FMO2: variants seen among roughly 807,000 people sequenced by gnomAD.
The protein encoded by FMO2 is flavin-containing monooxygenase 2.
In FMO2, 33 loss-of-function variants were observed where a neutral mutation model predicts 41.6. That is an observed-to-expected ratio of 0.79 (90% CI 0.60 to 1.06). The LOEUF (loss-of-function observed/expected upper bound fraction) is 1.06, where lower values mean the gene tolerates loss of function less well. FMO2 is among the 50% of genes least tolerant of loss of function. The pLI, the probability that FMO2 is intolerant of heterozygous loss-of-function variation, is 0.00. For missense variants in FMO2, 619 were observed against 632.9 expected (o/e 0.98, Z 0.23); for synonymous variants, 214 against 219.6 (o/e 0.97, Z 0.23).
chr1:171,187,835 A>C (rs1411876809), intron 2 of FMO2, among the ~76,000 whole-genome samples: 1 of 152,068 alleles, frequency 6.6e-6, no homozygotes, highest in African/African-American at 2.4e-5. Flanking sequence ...GGGAGAAGGG[A>C]GAAATTGATT....
chr1:171,204,025 G>T lies in FMO2; in HGVS notation c.788G>T (p.Trp263Leu), dbSNP rs1412855445. ...ATGATAGAACAACAGATGAATCGGT[G>T]GTTCAACCATGAAAATTATGGCCTT... ...KWMIEQQMNR[W>L]FNHENYGLEP... Residue 263 changes from tryptophan to leucine, a missense_variant, in exon 6 of 9, where the codon TGG becomes TTG. Transcript: ENST00000209929. 4 of 1,613,594 alleles carry T rather than the reference G, an allele frequency of 2.5e-6. No individual in the cohort carries two copies.
chr1:171,192,063 G>GA (rs1658106530), intron 2 of FMO2, among the ~76,000 whole-genome samples: 1 of 151,804 alleles, frequency 6.6e-6, no homozygotes, highest in Admixed American at 6.6e-5. Context: ...CTGGTCTTGA[G>GA]AAAAAATAGT....
chr1:171,195,358 T>C (rs914407331), intron 3 of FMO2, among the ~76,000 whole-genome samples: 1 of 152,206 alleles, frequency 6.6e-6, no homozygotes, highest in Non-Finnish European at 1.5e-5. Flanking sequence ...TAGGTTCTAA[T>C]TTAATAGGTA....
At position 171,209,980 on chromosome 1, in the gene FMO2, T is replaced by A. The variant is rs555794497; in HGVS notation, c.*835T>A. On this transcript the variant is annotated 3_prime_UTR_variant, in exon 9 of 9. Coordinates refer to ENST00000209929, the MANE Select transcript of FMO2 (RefSeq NM_001460.5). ...CTTGTGAGGCAGCTGGAATTGGAAC[T>A]CAGATTTGTTGAACTCTAGAACTAA... The A allele has an allele frequency of 3.9e-5, 6 of 152,274 alleles. 1 individual carries two copies. In the South Asian group the frequency reaches 1.2e-3, roughly 32 times the overall value. 9.4% of individuals were successfully genotyped at this position (152,274 alleles called of 1,614,324 possible). A position where few individuals can be genotyped will look rare whatever the true frequency, so the allele number is the denominator to read the frequency against.
In FMO2 at chr1:171,211,032, T is replaced by G. The variant is rs906417846; in HGVS notation, c.*1887T>G. The G allele has an allele frequency of 6.6e-6, 1 of 152,202 alleles. No individual in the cohort carries two copies. The highest frequency in any genetic ancestry group is 1.5e-5 in the Non-Finnish European group (1 of 68,030). The allele number at this position is 152,202 out of a possible 1,614,324, so 9.4% of individuals were successfully genotyped here. A position where few individuals can be genotyped will look rare whatever the true frequency, so the allele number is the denominator to read the frequency against. On this transcript the variant is annotated 3_prime_UTR_variant, in exon 9 of 9. Coordinates refer to ENST00000209929, the MANE Select transcript of FMO2 (RefSeq NM_001460.5). ...CATAAGCAAATTTGTTTTAAAATAA[T>G]TGTAAATGAGGTATATACTTAGTTC...
At chr1:171,191,002 G>T (rs983886891) in intron 2 of FMO2, among the ~76,000 whole-genome samples, 3 of 152,030 alleles carry the variant, frequency 2.0e-5, no homozygotes, top group African/African-American at 7.3e-5. Context: ...AAAATTAGCT[G>T]GGCATGGTGG....
rs778090574 is a variant in FMO2 at position 171,205,625 on chromosome 1, G to C, written c.1174G>C (p.Val392Leu). The change falls in exon 7 of 9, where the codon GTT becomes CTT. Residue 392 changes from valine (V) to leucine (L), a missense_variant. Transcript: ENST00000209929. ...AELQARWVTRVFKGLCSLPSE... is the reference protein window; with the variant it reads ...AELQARWVTRLFKGLCSLPSE... ...ACTTCAAGCTCGTTGGGTGACAAGAGTTTTCAAAGGTAAGTGTGTAGGCAG... is the reference window on the plus strand; with the variant it reads ...ACTTCAAGCTCGTTGGGTGACAAGACTTTTCAAAGGTAAGTGTGTAGGCAG... The C allele has an allele frequency of 6.2e-7, 1 of 1,603,632 alleles. No homozygotes were observed. The highest frequency in any genetic ancestry group is 1.1e-5 in the South Asian group (1 of 89,324).
chr1:171,209,063 AT>A lies in FMO2; in HGVS notation c.1529del (p.Phe510SerfsTer7). The A allele has an allele frequency of 1.8e-6, 2 of 1,125,750 alleles. No homozygotes were observed. Among genetic ancestry groups the A allele is most frequent in the South Asian group, 3.1e-5 (2 of 64,726 alleles). 69.7% of individuals were successfully genotyped at this position (1,125,750 alleles called of 1,614,324 possible). A position where few individuals can be genotyped will look rare whatever the true frequency, so the allele number is the denominator to read the frequency against. On this transcript the variant is annotated frameshift_variant, in exon 9 of 9. Transcript: ENST00000209929. LOFTEE classifies it low-confidence loss of function (END_TRUNC). ...LKTRALKDSSNFSVSFLLKIL... is the reference protein window; with the variant it reads ...LKTRALKDSSXFSVSFLLKIL... ...ACTCGGGCCCTGAAGGATTCATCTA[AT>A]TTCTCAGTTTCTTTTCTGTTGAAAA...
In FMO2 at chr1:171,189,654, C is replaced by CTT. The variant is rs199536748; in HGVS notation, c.133-3678_133-3677dup. 3.7e-3 allele frequency among the ~76,000 whole-genome samples: 454 copies of CTT among 122,710 alleles called. 15 individuals are homozygous for CTT. The highest frequency in any genetic ancestry group is 0.011 in the African/African-American group (342 of 30,128). 80.5% of individuals were successfully genotyped at this position (122,710 alleles called of 152,430 possible). A position where few individuals can be genotyped will look rare whatever the true frequency, so the allele number is the denominator to read the frequency against. On this transcript the variant is annotated intron_variant, in intron 2 of 8. Transcript: ENST00000209929. ...ACAGAAATCTGAGCCCGTCTTTTTT[C>CTT]TTTTCTTTTTTTTTTTTTTTTTGAG...
At chr1:171,194,515 T>C (rs898830715) in intron 3 of FMO2, among the ~76,000 whole-genome samples, 2 of 152,198 alleles carry the variant, frequency 1.3e-5, no homozygotes, top group African/African-American at 4.8e-5. Flanking sequence ...CCCAGCACTT[T>C]GGGAGGCTGA....
At chr1:171,208,179 G>T (rs916979348) in intron 8 of FMO2, among the ~76,000 whole-genome samples, 1 of 152,138 alleles carries the variant, frequency 6.6e-6, no homozygotes, top group Non-Finnish European at 1.5e-5. Flanking sequence ...GCTGTGAAAA[G>T]TTAGAGAATC....
rs982374231 is a variant in FMO2 at position 171,196,629 on chromosome 1, C to T, written c.322-20C>T. On this transcript the variant is annotated intron_variant, in intron 3 of 8. Coordinates refer to ENST00000209929, the MANE Select transcript of FMO2 (RefSeq NM_001460.5). Reference sequence around the variant, plus strand: ...ATCCTGGAGTAATTCTCAATGATGCCTTCTCTGTGTTTCTTCAAGACAACT... The same window carrying T: ...ATCCTGGAGTAATTCTCAATGATGCTTTCTCTGTGTTTCTTCAAGACAACT... The T allele has an allele frequency of 1.2e-6, 2 of 1,609,378 alleles. No individual in the cohort carries two copies. Among genetic ancestry groups the T allele is most frequent in the Non-Finnish European group, 1.7e-6 (2 of 1,178,024 alleles).
rs1183889682 is a variant in FMO2 at position 171,196,729 on chromosome 1, G to A, written c.402G>A (p.Lys134=). 1.9e-6 allele frequency: 3 copies of A among 1,613,556 alleles called. No individual in the cohort carries two copies. In the African/African-American group the frequency reaches 4.0e-5, roughly 22 times the overall value. The change falls in exon 4 of 9, where the codon AAG becomes AAA. Residue 134 remains lysine, a synonymous_variant. Coordinates refer to ENST00000209929, the MANE Select transcript of FMO2 (RefSeq NM_001460.5). The part of the protein sequence containing the change: ...QWKVVTQSNG[K]EQSAVFDAVM... ...AGGTTGTCACTCAGAGCAACGGCAA[G>A]GAGCAGAGTGCTGTCTTTGACGCAG...
chr1:171,209,108 T>C lies in FMO2; in HGVS notation c.1571T>C (p.Val524Ala). The change falls in exon 9 of 9, where the codon GTT (valine) becomes GCT (alanine). Residue 524 changes from valine to alanine, a missense_variant. By Grantham distance (64) the Val-to-Ala change is moderately conservative (BLOSUM62 0). Coordinates refer to ENST00000209929, the MANE Select transcript of FMO2 (RefSeq NM_001460.5). ...TTGAAAATCCTGGGCCTTCTTGCTG[T>C]TGTTGTGGCCTTTTTTTGCCAACTT... ...FLLKILGLLA[V>A]VVAFFCQLQW... 7 of 792,850 alleles carry C rather than the reference T, an allele frequency of 8.8e-6. No homozygotes were observed. The highest frequency in any genetic ancestry group is 1.4e-5 in the Non-Finnish European group (7 of 505,966). 49.1% of individuals were successfully genotyped at this position (792,850 alleles called of 1,614,324 possible). A position where few individuals can be genotyped will look rare whatever the true frequency, so the allele number is the denominator to read the frequency against.
chr1:171,200,594 G>T (rs185856557), intron 5 of FMO2, among the ~76,000 whole-genome samples: 1 of 152,050 alleles, frequency 6.6e-6, no homozygotes, highest in Non-Finnish European at 1.5e-5. Flanking sequence ...CATGACACCC[G>T]CCCAGCAGGT....
At chr1:171,198,647 T>G (rs1027419733) in intron 4 of FMO2, among the ~76,000 whole-genome samples, 1 of 152,152 alleles carries the variant, frequency 6.6e-6, no homozygotes. Flanking sequence ...CTGACCTCAG[T>G]TGATCCGCCC....
At chr1:171,185,552 A>T (rs998483803) in intron 1 of FMO2, 156 bp from the exon 2 acceptor site, 1 of 672,124 alleles carries the variant, frequency 1.5e-6, no homozygotes, top group African/African-American at 1.8e-5. Flanking sequence ...CAAAGGCAAG[A>T]AGAGAGCAGG....
At chr1:171,206,313 G>A (rs942745371) in intron 7 of FMO2, among the ~76,000 whole-genome samples, 2 of 152,156 alleles carry the variant, frequency 1.3e-5, no homozygotes, top group African/African-American at 4.8e-5. Flanking sequence ...AATAAGGGAA[G>A]GGCACATGAT....
chr1:171,195,529 C>T (rs895307828), intron 3 of FMO2, among the ~76,000 whole-genome samples: 12 of 152,144 alleles, frequency 7.9e-5, no homozygotes. Context: ...GAAAACTGCC[C>T]AGATATTTAA....
Sources: allele counts gnomAD v4.1 joint callset (sites outside exome capture counted in the v4.1 genomes callset), GRCh38; gene constraint gnomAD v4.1.1; transcripts MANE v1.5; gene names NCBI Gene and HGNC (gene_info 2026-07-23, HGNC 2026-07-21).